GRINA: variants seen among roughly 807,000 people sequenced by gnomAD.
The protein encoded by GRINA is glutamate ionotropic receptor NMDA type subunit associated protein 1.
A neutral mutation model predicts 42.5 loss-of-function variants in GRINA; 26 were observed. The ratio of observed to expected loss-of-function variants is 0.61; its 90% CI spans 0.45 to 0.85. GRINA has a LOEUF of 0.85. GRINA is among the 40% of genes least tolerant of loss of function. The pLI is 0.00. For synonymous variants in GRINA, 256 were observed against 204.2 expected, an observed-to-expected ratio of 1.25 and a Z score of -2.17; for missense variants, 475 against 481.5, an observed-to-expected ratio of 0.99 and a Z score of 0.13.
In GRINA at chr8:143,991,447, C is replaced by T; in HGVS notation, c.224C>T (p.Pro75Leu). The T allele has an allele frequency of 6.8e-7, 1 of 1,476,118 alleles. No homozygotes were observed. Among genetic ancestry groups the T allele is most frequent in the Non-Finnish European group, 9.0e-7 (1 of 1,114,072 alleles). The allele number at this position is 1,476,118 out of a possible 1,614,324, so 91.4% of individuals were successfully genotyped here. The stretch of plus-strand genomic sequence containing the variant: ...GGGGGCTACCCACAGGGTCCCTACC[C>T]CCAAGGGGGCTACCCACAGGGCCCC... ...PQGGYPQGPY[P>L]QGGYPQGPYP... The change falls in exon 2 of 7, where the codon CCC becomes CTC. Residue 75 changes from proline to leucine, a missense_variant. Physicochemically the swap from Pro to Leu is moderately conservative, Grantham distance 98. Around this residue, in one of 2 missense-constraint regions of GRINA, gnomAD observed 321 missense variants for 267.2 expected, o/e 1.20. Coordinates refer to ENST00000395068, the MANE Select transcript of GRINA (RefSeq NM_001009184.2).
chr8:143,991,088 G>A (rs1834084861), intron 1 of GRINA, 112 bp from the exon 2 acceptor site: 1 of 615,198 alleles, frequency 1.6e-6, no homozygotes, highest in Non-Finnish European at 2.8e-6. Flanking sequence ...AAAGGTCACG[G>A]TCTTCCCTTG....
Position 143,993,159 on chromosome 8 carries a change from G to A in GRINA, c.*318G>A. 1 of 348,072 alleles carries A rather than the reference G, an allele frequency of 2.9e-6. No homozygotes were observed. Among genetic ancestry groups the A allele is most frequent in the Non-Finnish European group, 5.4e-6 (1 of 184,710 alleles). 21.6% of individuals were successfully genotyped at this position (348,072 alleles called of 1,614,324 possible). On this transcript the variant is annotated 3_prime_UTR_variant, in exon 7 of 7. Transcript: ENST00000395068. ...CCCCAGGGACTGGGGGCAGCACCAG[G>A]TCCCGGGGAGAGGGATTGAGCCAAG...
chr8:143,992,395 G>C (rs782615180), intron 5 of GRINA, 22 bp downstream of exon 5: 2 of 1,610,038 alleles, frequency 1.2e-6, no homozygotes, highest in South Asian at 1.1e-5. Flanking sequence ...CCCGTGGCTG[G>C]GCTGTGGCCG....
rs1834127118 is a variant in GRINA, at chr8:143,993,014, C to A, written c.*173C>A. 6.5e-6 allele frequency: 4 copies of A among 615,518 alleles called. 1 individual carries two copies. The South Asian group carries it at 7.9e-5, about 12-fold the overall frequency. The allele number at this position is 615,518 out of a possible 1,614,324, so 38.1% of individuals were successfully genotyped here. ...TACACTGCAGATACTTCCATTTGGA[C>A]CCGCTGTGGCCACAGCATGGCCCCT... On this transcript the variant is annotated 3_prime_UTR_variant, in exon 7 of 7. Transcript: ENST00000395068.
At position 143,990,952 on chromosome 8, in the gene GRINA, C is replaced by T; in HGVS notation, c.-24-248C>T. 3.9e-6 allele frequency: 1 copy of T among 257,434 alleles called. No individual in the cohort carries two copies. The highest frequency in any genetic ancestry group is 7.4e-6 in the Non-Finnish European group (1 of 135,284). The allele number at this position is 257,434 out of a possible 1,614,324, so 15.9% of individuals were successfully genotyped here. On this transcript the variant is annotated intron_variant, in intron 1 of 6. Transcript: ENST00000395068. The surrounding 1 kb of genome is among the most constrained non-coding windows in gnomAD (Gnocchi z 5.6). ...CCAAATCCCGAGGCTGGCGGTCGTCCCCTCGCCCGGCCCCTCCCCCACCCT... is the reference window on the plus strand; with the variant it reads ...CCAAATCCCGAGGCTGGCGGTCGTCTCCTCGCCCGGCCCCTCCCCCACCCT...
At position 143,992,503 on chromosome 8, in the gene GRINA, G is replaced by A. The variant is rs1554750718; in HGVS notation, c.861G>A (p.Leu287=). The A allele has an allele frequency of 2.5e-6, 4 of 1,614,146 alleles. No homozygotes were observed. The highest frequency in any genetic ancestry group is 1.1e-5 in the South Asian group (1 of 91,088). The part of the protein sequence containing the change: ...YDFTSCMGVL[L]VSMVVLFIFA... Reference sequence around the variant, plus strand: ...TCACCTCATGCATGGGCGTGCTCCTGGTGAGCATGGTGGTGCTCTTCATCT... The same window carrying A: ...TCACCTCATGCATGGGCGTGCTCCTAGTGAGCATGGTGGTGCTCTTCATCT... Residue 287 remains leucine (L), a synonymous_variant, in exon 6 of 7, where the codon CTG becomes CTA. Transcript: ENST00000395068.
At position 143,991,561 on chromosome 8, in the gene GRINA, C is replaced by T. The variant is rs782333668; in HGVS notation, c.338C>T (p.Pro113Leu). Reference sequence around the variant, plus strand: ...CCCCAGAGCCCCTTCCCCCCCAACCCCTATGGACAGCCACAGGTCTTCCCA... The same window carrying T: ...CCCCAGAGCCCCTTCCCCCCCAACCTCTATGGACAGCCACAGGTCTTCCCA... ...PYPQSPFPPN[P>L]YGQPQVFPGQ... Residue 113 changes from proline to leucine, a missense_variant, in exon 2 of 7, where the codon CCC becomes CTC. Transcript: ENST00000395068. The T allele has an allele frequency of 1.3e-6, 2 of 1,592,386 alleles. No homozygotes were observed. Among genetic ancestry groups the T allele is most frequent in the South Asian group, 1.1e-5 (1 of 90,460 alleles).
At chr8:143,991,845 C>G in intron 3 of GRINA, 33 bp from the exon 4 acceptor site, 1 of 1,609,424 alleles carries the variant, frequency 6.2e-7, no homozygotes, top group South Asian at 1.1e-5. Flanking sequence ...GCTGTGGCTC[C>G]CAGCGGATGA....
rs1405546006 is a variant in GRINA at position 143,991,357 on chromosome 8, C to T, written c.134C>T (p.Pro45Leu). The T allele has an allele frequency of 1.0e-5, 13 of 1,291,228 alleles. No homozygotes were observed. Among genetic ancestry groups the T allele is most frequent in the Non-Finnish European group, 1.4e-5 (13 of 936,286 alleles). 80.0% of individuals were successfully genotyped at this position (1,291,228 alleles called of 1,614,324 possible). A position where few individuals can be genotyped will look rare whatever the true frequency, so the allele number is the denominator to read the frequency against. ...PPYPGAPYPQ[P>L]PFQPSPYGQP... ...TACCCTGGGGCCCCTTACCCACAGC[C>T]CCCTTTCCAGCCCTCCCCCTACGGT... The change falls in exon 2 of 7, where the codon CCC becomes CTC. Residue 45 changes from proline to leucine, a missense_variant. Pro to Leu is a moderately conservative substitution (Grantham distance 98). Around this residue, in one of 2 missense-constraint regions of GRINA, gnomAD observed 321 missense variants for 267.2 expected, o/e 1.20. Transcript: ENST00000395068.
In GRINA at chr8:143,992,591, G is replaced by T. The variant is rs781982479; in HGVS notation, c.949G>T (p.Ala317Ser). 2.5e-6 allele frequency: 4 copies of T among 1,614,134 alleles called. No individual in the cohort carries two copies. The highest frequency in any genetic ancestry group is 1.7e-5 in the Admixed American group (1 of 60,026). ...GGAGATCGTGTACGCCTCACTGGGC[G>T]CTCTGCTCTTCACCTGCGTGAGTGA... is the stretch of plus-strand genomic sequence containing the variant. ...ILEIVYASLG[A>S]LLFTCFLAVD... Residue 317 changes from alanine to serine, a missense_variant, in exon 6 of 7, where the codon GCT becomes TCT. This residue lies in a region of GRINA where 154 missense variants were observed against 214.2 expected (regional missense o/e 0.72). Transcript: ENST00000395068.
At position 143,992,479 on chromosome 8, in the gene GRINA, C is replaced by T. The variant is rs1834116674; in HGVS notation, c.837C>T (p.Phe279=). ...VIFSMQTRYD[F]TSCMGVLLVS... is the part of the protein sequence containing the mutation. ...CCCACCTGCAGACCCGCTACGACTT[C>T]ACCTCATGCATGGGCGTGCTCCTGG... Residue 279 remains phenylalanine (F), a synonymous_variant, in exon 6 of 7, where the codon TTC becomes TTT. Coordinates refer to ENST00000395068, the MANE Select transcript of GRINA (RefSeq NM_001009184.2). The T allele has an allele frequency of 6.2e-7, 1 of 1,614,168 alleles. No individual in the cohort carries two copies. The highest frequency in any genetic ancestry group is 8.5e-7 in the Non-Finnish European group (1 of 1,180,030).
chr8:143,991,511 A>G lies in GRINA; in HGVS notation c.288A>G (p.Gln96=). The change falls in exon 2 of 7, where the codon CAA becomes CAG. Residue 96 remains glutamine (Q), a synonymous_variant. Coordinates refer to ENST00000395068, the MANE Select transcript of GRINA (RefSeq NM_001009184.2). The part of the protein sequence containing the change: ...QEGYPQGPYP[Q]GGYPQGPYPQ... Reference sequence around the variant, plus strand: ...GCTACCCACAGGGCCCCTACCCCCAAGGGGGCTACCCCCAGGGGCCATATC... The same window carrying G: ...GCTACCCACAGGGCCCCTACCCCCAGGGGGGCTACCCCCAGGGGCCATATC... The G allele has an allele frequency of 6.5e-7, 1 of 1,542,128 alleles. No homozygotes were observed. Among genetic ancestry groups the G allele is most frequent in the Non-Finnish European group, 8.7e-7 (1 of 1,145,408 alleles).
chr8:143,990,081 C>CCGCAGG lies in GRINA; in HGVS notation c.-135_-130dup, dbSNP rs1318027667. The CCGCAGG allele has an allele frequency of 6.6e-6, 1 of 151,480 alleles. No individual in the cohort carries two copies. Among genetic ancestry groups the CCGCAGG allele is most frequent in the Non-Finnish European group, 1.5e-5 (1 of 67,750 alleles). The allele number at this position is 151,480 out of a possible 1,614,324, so 9.4% of individuals were successfully genotyped here. A position where few individuals can be genotyped will look rare whatever the true frequency, so the allele number is the denominator to read the frequency against. ...ACAAGGCCCCGCTGCGTCTTCCGAG[C>CCGCAGG]CGCAGGCGCAGGCCCAGCTGAGCGG... On this transcript the variant is annotated 5_prime_UTR_variant, in exon 1 of 7. Coordinates refer to ENST00000395068, the MANE Select transcript of GRINA (RefSeq NM_001009184.2). The surrounding 1 kb of genome is among the most constrained non-coding windows in gnomAD (Gnocchi z 5.6).
At position 143,991,317 on chromosome 8, in the gene GRINA, TA is replaced by T. The variant is rs1226327839; in HGVS notation, c.95del (p.Tyr32LeufsTer136). 1 of 1,379,726 alleles carries T rather than the reference TA, an allele frequency of 7.2e-7. No individual in the cohort carries two copies. Among genetic ancestry groups the T allele is most frequent in the Non-Finnish European group, 9.9e-7 (1 of 1,013,948 alleles). The allele number at this position is 1,379,726 out of a possible 1,614,324, so 85.5% of individuals were successfully genotyped here. A position where few individuals can be genotyped will look rare whatever the true frequency, so the allele number is the denominator to read the frequency against. ...GGGGCCCCAGCCACCCATGCCCCCC[TA>T]TGCTCAGCCTCCCTACCCTGGGGCC... ...PGGPQPPMPP[Y>X]AQPPYPGAPY... is the part of the protein sequence containing the mutation. On this transcript the variant is annotated frameshift_variant, in exon 2 of 7. Transcript: ENST00000395068. LOFTEE classifies it high-confidence loss of function.
rs1554750374 is a variant in GRINA, at chr8:143,991,252, C to T, written c.29C>T (p.Ser10Phe). Residue 10 changes from serine to phenylalanine, a missense_variant, in exon 2 of 7, where the codon TCT (serine) becomes TTT (phenylalanine). Ser to Phe is a radical substitution (Grantham distance 155). Coordinates refer to ENST00000395068, the MANE Select transcript of GRINA (RefSeq NM_001009184.2). MSHEKSFLV[S>F]GDNYPPPNPG... ...TCCCATGAAAAGAGTTTTTTGGTGT[C>T]TGGGGACAACTATCCTCCCCCCAAC... The T allele has an allele frequency of 1.9e-6, 3 of 1,570,020 alleles. No homozygotes were observed. The highest frequency in any genetic ancestry group is 2.6e-6 in the Non-Finnish European group (3 of 1,154,356).
Position 143,992,005 on chromosome 8 carries a change from T to C in GRINA, c.620T>C (p.Phe207Ser). 1 of 1,613,894 alleles carries C rather than the reference T, an allele frequency of 6.2e-7. No homozygotes were observed. The change falls in exon 4 of 7, where the codon TTC becomes TCC. Residue 207 changes from phenylalanine to serine, a missense_variant. Transcript: ENST00000395068. ...ACCTACTATGTCTCCTATGCTGTCT[T>C]CTTCATCTCTCTCATCGTCCTCAGC... ...VWTYYVSYAVFFISLIVLSCC... is the reference protein window; with the variant it reads ...VWTYYVSYAVSFISLIVLSCC...
rs1834078209 is a variant in GRINA at position 143,990,764 on chromosome 8, C to T, written c.-24-436C>T. 1 of 152,434 alleles carries T rather than the reference C, an allele frequency of 6.6e-6. No individual in the cohort carries two copies. Among genetic ancestry groups the T allele is most frequent in the African/African-American group, 2.4e-5 (1 of 41,442 alleles). 9.4% of individuals were successfully genotyped at this position (152,434 alleles called of 1,614,324 possible). A position where few individuals can be genotyped will look rare whatever the true frequency, so the allele number is the denominator to read the frequency against. On this transcript the variant is annotated intron_variant, in intron 1 of 6. Transcript: ENST00000395068. This position sits in a 1 kb window ranked among gnomAD's most constrained non-coding sequence, Gnocchi z 5.6. ...TTCCTGGGATAGAAATAGCCGCCGG[C>T]TCCGGCCCCTTAAAGCTGCTTAAGG... is the stretch of plus-strand genomic sequence containing the variant.
Position 143,991,757 on chromosome 8 carries a change from G to A in GRINA, c.445G>A (p.Ala149Thr). 1 of 1,613,936 alleles carries A rather than the reference G, an allele frequency of 6.2e-7. No homozygotes were observed. The highest frequency in any genetic ancestry group is 8.5e-7 in the Non-Finnish European group (1 of 1,179,840). Residue 149 changes from alanine (A) to threonine (T), a missense_variant, in exon 3 of 7, where the codon GCC becomes ACC. Around this residue, in one of 2 missense-constraint regions of GRINA, gnomAD observed 321 missense variants for 267.2 expected, o/e 1.20. Coordinates refer to ENST00000395068, the MANE Select transcript of GRINA (RefSeq NM_001009184.2). ...PSYYDNQDFPATNWDDKSIRQ... is the reference protein window; with the variant it reads ...PSYYDNQDFPTTNWDDKSIRQ... Reference sequence around the variant, plus strand: ...CTACTATGACAACCAGGACTTCCCTGCCACCAACTGGGATGACAAGAGCAT... The same window carrying A: ...CTACTATGACAACCAGGACTTCCCTACCACCAACTGGGATGACAAGAGCAT...
At position 143,990,092 on chromosome 8, in the gene GRINA, G is replaced by A. The variant is rs1554750196; in HGVS notation, c.-132G>A. On this transcript the variant is annotated 5_prime_UTR_variant, in exon 1 of 7. Coordinates refer to ENST00000395068, the MANE Select transcript of GRINA (RefSeq NM_001009184.2). This position sits in a 1 kb window ranked among gnomAD's most constrained non-coding sequence, Gnocchi z 5.6. ...CTGCGTCTTCCGAGCCGCAGGCGCA[G>A]GCCCAGCTGAGCGGCCGCCGAGCGG... The A allele has an allele frequency of 6.6e-6, 1 of 150,942 alleles. No homozygotes were observed. Among genetic ancestry groups the A allele is most frequent in the African/African-American group, 2.4e-5 (1 of 41,230 alleles). The allele number at this position is 150,942 out of a possible 1,614,324, so 9.4% of individuals were successfully genotyped here.
Sources: gnomAD v4.1 joint callset for allele counts on GRCh38, gnomAD v4.1.1 for gene constraint, gnomAD v4.1.1 regional missense constraint, Gnocchi (gnomAD v3.1) non-coding constraint, MANE v1.5 for transcripts, NCBI Gene and HGNC (gene_info 2026-07-23, HGNC 2026-07-21) for gene names.